ITGA6: variants seen among roughly 807,000 people sequenced by gnomAD.
The protein encoded by ITGA6 is integrin subunit alpha 6.
In ITGA6, 63 loss-of-function variants were observed where a neutral mutation model predicts 133.6. That is an observed-to-expected ratio of 0.47 (90% CI 0.38 to 0.58). ITGA6 has a LOEUF of 0.58. Among genes scored for constraint, ITGA6 ranks in the 20% least tolerant of loss-of-function variants. The pLI is 0.00. For synonymous variants in ITGA6, 434 were observed against 482.0 expected (o/e 0.90, Z 1.30); for missense variants, 1,068 against 1,309.4 (o/e 0.82, Z 2.85).
intron 11 of ITGA6, among the ~76,000 whole-genome samples, chr2:172,482,984 T>A (rs572860342): frequency 6.6e-6 from 1 of 152,304 alleles, no homozygotes; most frequent in South Asian, 2.1e-4. Flanking sequence ...TGGTGGGGAA[T>A]AAGACTGATG....
chr2:172,427,881 C>G lies in ITGA6; in HGVS notation c.93C>G (p.Asp31Glu). Reference protein sequence around the residue: ...GAAFNLDTREDNVIRKYGDPG... With the variant: ...GAAFNLDTREENVIRKYGDPG... ...CCTTCAACTTGGACACTCGGGAGGACAACGTGATCCGGAAATATGGAGACC... is the reference window on the plus strand; with the variant it reads ...CCTTCAACTTGGACACTCGGGAGGAGAACGTGATCCGGAAATATGGAGACC... Residue 31 changes from aspartate (D) to glutamate (E), a missense_variant, in exon 1 of 26, where the codon GAC (aspartate) becomes GAG (glutamate). Transcript: ENST00000684293. 1 of 1,606,788 alleles carries G rather than the reference C, an allele frequency of 6.2e-7. No individual in the cohort carries two copies. The highest frequency in any genetic ancestry group is 8.5e-7 in the Non-Finnish European group (1 of 1,177,054).
At chr2:172,435,616 C>CTTTTTTTTTT (rs58005683) in intron 1 of ITGA6, among the ~76,000 whole-genome samples, 16 of 82,244 alleles carry the variant, frequency 1.9e-4, no homozygotes, top group African/African-American at 3.7e-4. Context: ...AGTTTTGTTT[C>CTTTTTTTTTT]TTTTTTTTTT....
intron 1 of ITGA6, among the ~76,000 whole-genome samples, chr2:172,454,383 G>A (rs1685131931): frequency 6.6e-6 from 1 of 152,118 alleles, no homozygotes; most frequent in African/African-American, 2.4e-5. Flanking sequence ...GAGGATGCCT[G>A]AAGGAGAGAA....
intron 1 of ITGA6, among the ~76,000 whole-genome samples, chr2:172,462,400 T>C (rs1685464488): frequency 6.6e-6 from 1 of 152,212 alleles, no homozygotes; most frequent in South Asian, 2.1e-4. Flanking sequence ...AACGTTATTC[T>C]CTGTGGGTAC....
chr2:172,435,622 T>C (rs962802658), intron 1 of ITGA6, among the ~76,000 whole-genome samples: 1 of 133,962 alleles, frequency 7.5e-6, no homozygotes, highest in Non-Finnish European at 1.6e-5. Context: ...GTTTCTTTTT[T>C]TTTTTTTTTT....
At chr2:172,465,277 A>G (rs1304778417) in intron 1 of ITGA6, 1 of 542,016 alleles carries the variant, frequency 1.8e-6, no homozygotes, top group East Asian at 3.3e-5. Context: ...ATACCCAGCA[A>G]GAAATGCTGA....
chr2:172,468,810 G>A lies in ITGA6; in HGVS notation c.388-315G>A, dbSNP rs748949302. Reference sequence around the variant, plus strand: ...ATTTGAATTAAGAAAATGAAATAAGGTGTTTCTCTTTGTTTATGTGACAGG... The same window carrying A: ...ATTTGAATTAAGAAAATGAAATAAGATGTTTCTCTTTGTTTATGTGACAGG... On this transcript the variant is annotated intron_variant, in intron 3 of 25. Coordinates refer to ENST00000684293, the MANE Select transcript of ITGA6 (RefSeq NM_000210.4). 2.6e-5 allele frequency among the ~76,000 whole-genome samples: 4 copies of A among 152,110 alleles called. No homozygotes were observed. In the South Asian group the frequency reaches 8.3e-4, roughly 32 times the overall value.
At chr2:172,466,876 G>T (rs1685699365) in intron 2 of ITGA6, among the ~76,000 whole-genome samples, 1 of 152,168 alleles carries the variant, frequency 6.6e-6, no homozygotes, top group African/African-American at 2.4e-5. Flanking sequence ...CACACAGTGG[G>T]TTTAAATTGA....
At position 172,505,335 on chromosome 2, in the gene ITGA6, A is replaced by G. The variant is rs1687513685; in HGVS notation, c.*1267A>G. ...TACTGTATATTCAGGACTTGAAAGA[A>G]ATGGTGAATGCCTATGGTGGATCCA... is the stretch of plus-strand genomic sequence containing the variant. On this transcript the variant is annotated 3_prime_UTR_variant, in exon 26 of 26. Transcript: ENST00000684293. 3.3e-5 allele frequency: 5 copies of G among 152,192 alleles called. No homozygotes were observed. 9.4% of individuals were successfully genotyped at this position (152,192 alleles called of 1,614,324 possible).
At chr2:172,465,745 A>G (rs1685637314) in intron 2 of ITGA6, 82 bp downstream of exon 2, 2 of 1,573,232 alleles carry the variant, frequency 1.3e-6, no homozygotes, top group Admixed American at 3.3e-5. Flanking sequence ...GGGGACAAAC[A>G]TTTATTCTTG....
chr2:172,444,856 A>C (rs1399097962), intron 1 of ITGA6, among the ~76,000 whole-genome samples: 1 of 151,968 alleles, frequency 6.6e-6, no homozygotes, highest in Non-Finnish European at 1.5e-5. Context: ...GTGCTCGCTA[A>C]TTGGTTCCCA....
rs761355028 is a variant in ITGA6, at chr2:172,479,642, T to A, written c.1390T>A (p.Ser464Thr). The change falls in exon 10 of 26, where the codon TCC becomes ACC. Residue 464 changes from serine (S) to threonine (T), a missense_variant and splice_region_variant. By Grantham distance (58) the Ser-to-Thr change is moderately conservative (BLOSUM62 1). Around this residue, in one of 3 missense-constraint regions of ITGA6, gnomAD observed 317 missense variants for 456.9 expected, o/e 0.69. Transcript: ENST00000684293. ...GTTTTTCACTCCTTTTGTCTTCAGA[T>A]CCCGGCCTGTGATTAATATTCAGAA... ...SLSDSVTIFR[S>T]RPVINIQKTI... The A allele has an allele frequency of 5.0e-6, 8 of 1,613,774 alleles. No homozygotes were observed. Among genetic ancestry groups the A allele is most frequent in the Non-Finnish European group, 5.9e-6 (7 of 1,179,726 alleles).
At chr2:172,457,161 G>A (rs541926066) in intron 1 of ITGA6, among the ~76,000 whole-genome samples, 118 of 152,062 alleles carry the variant, frequency 7.8e-4, no homozygotes, top group Non-Finnish European at 5.1e-4. Context: ...AGGCTTGGTG[G>A]CGGGCACCTG....
intron 23 of ITGA6, 138 bp from the exon 24 acceptor site, chr2:172,497,836 CT>C: frequency 1.2e-6 from 1 of 819,606 alleles, no homozygotes; most frequent in Non-Finnish European, 2.1e-6. Context: ...GAGAAAGGAT[CT>C]TGCATCAGAA....
intron 24 of ITGA6, among the ~76,000 whole-genome samples, chr2:172,500,369 T>C (rs1445082202): frequency 2.0e-5 from 3 of 152,144 alleles, no homozygotes; most frequent in Non-Finnish European, 4.4e-5. Flanking sequence ...TCCCAGCACT[T>C]TGGGAGGCTG....
At chr2:172,449,922 CAAA>C (rs753594850) in intron 1 of ITGA6, among the ~76,000 whole-genome samples, 158 of 77,648 alleles carry the variant, frequency 2.0e-3, no homozygotes, top group African/African-American at 5.8e-3. Context: ...ACTTCCTCTC[CAAA>C]AAAAAAAAAA....
chr2:172,501,667 G>A, intron 24 of ITGA6, 105 bp from the exon 25 acceptor site: 1 of 1,135,100 alleles, frequency 8.8e-7, no homozygotes, highest in Non-Finnish European at 1.3e-6. Context: ...TGGTCTGTTT[G>A]TAAACAAGCC....
chr2:172,476,282 T>C, intron 8 of ITGA6, 113 bp from the exon 9 acceptor site: 1 of 767,760 alleles, frequency 1.3e-6, no homozygotes, highest in South Asian at 1.4e-5. Context: ...AATTTACTTA[T>C]AAGTGAACTC....
intron 1 of ITGA6, among the ~76,000 whole-genome samples, chr2:172,442,622 C>A (rs765948457): frequency 6.6e-6 from 1 of 152,200 alleles, no homozygotes; most frequent in East Asian, 1.9e-4. Context: ...AGCTGTTGCA[C>A]CTCTTTTCTT....
Sources: gnomAD v4.1 joint callset for allele counts (sites outside exome capture counted in the v4.1 genomes callset) on GRCh38, gnomAD v4.1.1 for gene constraint, gnomAD v4.1.1 regional missense constraint, MANE v1.5 for transcripts, NCBI Gene and HGNC (gene_info 2026-07-23, HGNC 2026-07-21) for gene names.